The following RUNX2 variants were observed in gnomAD, a reference collection of about 807,000 sequenced individuals.
The protein encoded by RUNX2 is RUNX family transcription factor 2, also known as runt-related transcription factor 2.
Under a neutral mutation model 51.7 loss-of-function variants are expected in RUNX2, and 10 were observed. The observed-to-expected ratio is 0.19, with a 90% confidence interval of 0.12 to 0.33. The LOEUF (loss-of-function observed/expected upper bound fraction) is 0.33. Among genes scored for constraint, RUNX2 ranks in the 10% least tolerant of loss-of-function variants. The pLI is 1.00. For synonymous variants in RUNX2, 276 were observed against 273.6 expected (o/e 1.01, Z -0.09); for missense variants, 562 against 691.3 (o/e 0.81, Z 2.10).
At chr6:45,448,649 C>T (rs148363235) in intron 5 of RUNX2, among the ~76,000 whole-genome samples, 5 of 152,100 alleles carry the variant, frequency 3.3e-5, no homozygotes, top group East Asian at 1.9e-4. Flanking sequence ...TCTGCCTTGC[C>T]GTGAACTCTC....
chr6:45,524,604 A>T (rs1214147086), intron 7 of RUNX2, among the ~76,000 whole-genome samples: 2 of 152,254 alleles, frequency 1.3e-5, no homozygotes, highest in Non-Finnish European at 2.9e-5. Flanking sequence ...GATTCATGAA[A>T]AATCAATAAA....
At chr6:45,517,544 C>T (rs1801370358) in intron 7 of RUNX2, among the ~76,000 whole-genome samples, 1 of 151,992 alleles carries the variant, frequency 6.6e-6, no homozygotes, top group Non-Finnish European at 1.5e-5. Context: ...TTGTTGTTAA[C>T]ATAGGACAGA....
chr6:45,463,911 C>A (rs933493935), intron 5 of RUNX2, among the ~76,000 whole-genome samples: 1 of 152,126 alleles, frequency 6.6e-6, no homozygotes, highest in Non-Finnish European at 1.5e-5. Context: ...TTCACAACAT[C>A]AGCCGGGCAC....
intron 2 of RUNX2, among the ~76,000 whole-genome samples, chr6:45,412,896 C>T (rs1174152459): frequency 2.0e-5 from 3 of 152,090 alleles, no homozygotes; most frequent in African/African-American, 7.2e-5. Context: ...CAGGTGTGTG[C>T]CACCACACTC....
At chr6:45,437,722 G>A (rs1798723978) in intron 4 of RUNX2, among the ~76,000 whole-genome samples, 1 of 152,118 alleles carries the variant, frequency 6.6e-6, no homozygotes, top group South Asian at 2.1e-4. Context: ...GTCTTCCTGT[G>A]TAGCACTACA....
At chr6:45,400,153 AG>A (rs1469008975) in intron 2 of RUNX2, among the ~76,000 whole-genome samples, 1 of 141,930 alleles carries the variant, frequency 7.0e-6, no homozygotes, top group Non-Finnish European at 1.5e-5. Context: ...GAGGGAAGGA[AG>A]GAAAGAAGGA....
intron 5 of RUNX2, among the ~76,000 whole-genome samples, chr6:45,474,141 G>A (rs1031457940): frequency 6.6e-6 from 1 of 151,696 alleles, no homozygotes; most frequent in Non-Finnish European, 1.5e-5. Flanking sequence ...TGCAGATTTA[G>A]TTGGCTTTTC....
chr6:45,526,898 A>T (rs1005152442), intron 7 of RUNX2, among the ~76,000 whole-genome samples: 1 of 152,236 alleles, frequency 6.6e-6, no homozygotes, highest in African/African-American at 2.4e-5. Context: ...TATGGGGACT[A>T]AAGGATAGTT....
intron 2 of RUNX2, among the ~76,000 whole-genome samples, chr6:45,381,312 A>G (rs965923029): frequency 7.2e-5 from 11 of 152,274 alleles, no homozygotes; most frequent in Non-Finnish European, 1.3e-4. Flanking sequence ...AAAACCTTAC[A>G]GCCCTAAAAT....
intron 2 of RUNX2, among the ~76,000 whole-genome samples, chr6:45,355,436 T>C (rs1029007564): frequency 2.8e-4 from 43 of 152,160 alleles, no homozygotes; most frequent in African/African-American, 9.9e-4. Flanking sequence ...CCCCTACCCA[T>C]AAAATTTCCA....
chr6:45,439,492 G>T (rs1798780911), intron 5 of RUNX2, among the ~76,000 whole-genome samples: 2 of 152,174 alleles, frequency 1.3e-5, no homozygotes, highest in African/African-American at 4.8e-5. Context: ...CTAACTTTTG[G>T]TCAGACTAGC....
intron 2 of RUNX2, among the ~76,000 whole-genome samples, chr6:45,410,146 T>C (rs773395355): frequency 5.9e-5 from 9 of 152,196 alleles, no homozygotes; most frequent in Non-Finnish European, 1.0e-4. Flanking sequence ...ATAGATGATA[T>C]GGAACCACTT....
intron 6 of RUNX2, among the ~76,000 whole-genome samples, chr6:45,495,368 C>A (rs1217186246): frequency 6.6e-6 from 1 of 152,178 alleles, no homozygotes; most frequent in Non-Finnish European, 1.5e-5. Context: ...AATTTCCTGT[C>A]CCAGGATGTC....
At position 45,531,760 on chromosome 6, in the gene RUNX2, A is replaced by C. The variant is rs115849449; in HGVS notation, c.1022-13457A>C. Among the ~76,000 whole-genome samples the C allele has an allele frequency of 4.8e-3, 736 of 152,202 alleles. 8 individuals are homozygous for C. The highest frequency in any genetic ancestry group is 0.017 in the African/African-American group (710 of 41,518). On this transcript the variant is annotated intron_variant, in intron 7 of 8. Coordinates refer to ENST00000647337, the MANE Select transcript of RUNX2 (RefSeq NM_001024630.4). ...GGGTGAGATTCTGTCTAAAAAAAAA[A>C]CAAAACTCAAAATATATGGTTTTAT...
intron 2 of RUNX2, among the ~76,000 whole-genome samples, chr6:45,391,639 G>C (rs1455699494): frequency 6.6e-6 from 1 of 152,176 alleles, no homozygotes; most frequent in African/African-American, 2.4e-5. Flanking sequence ...GGCTGGGGAG[G>C]TTTCAGGAAA....
rs551984043 is a variant in RUNX2, at chr6:45,440,811, C to T, written c.685+2760C>T. ...TATGTAAATAATTTCGTGGAAGAAACAAAGTTTGTGTTATGTACTTATGTG... is the reference window on the plus strand; with the variant it reads ...TATGTAAATAATTTCGTGGAAGAAATAAAGTTTGTGTTATGTACTTATGTG... On this transcript the variant is annotated intron_variant, in intron 5 of 8. Coordinates refer to ENST00000647337, the MANE Select transcript of RUNX2 (RefSeq NM_001024630.4). 1.5e-4 allele frequency among the ~76,000 whole-genome samples: 23 copies of T among 152,182 alleles called. No individual in the cohort carries two copies. The South Asian group carries it at 4.4e-3, about 29-fold the overall frequency.
intron 2 of RUNX2, among the ~76,000 whole-genome samples, chr6:45,396,907 C>A (rs1797591850): frequency 1.3e-5 from 2 of 152,042 alleles, no homozygotes; most frequent in Admixed American, 1.3e-4. Flanking sequence ...ATCCATTCAC[C>A]AGTTGATGGA....
chr6:45,422,492 C>T, intron 2 of RUNX2, 101 bp from the exon 3 acceptor site: 1 of 642,298 alleles, frequency 1.6e-6, no homozygotes, highest in Non-Finnish European at 2.4e-6. Flanking sequence ...CCCGTCTCGC[C>T]TTCACCCCCC....
rs961467252 is a variant in RUNX2, at chr6:45,549,253, G to A, written c.*1948G>A. On this transcript the variant is annotated 3_prime_UTR_variant, in exon 9 of 9. Coordinates refer to ENST00000647337, the MANE Select transcript of RUNX2 (RefSeq NM_001024630.4). ...TCATTGGAATCCTCCACCCACCCAAGCAGAATTTAGCAGAGATTTGCCTTC... is the reference window on the plus strand; with the variant it reads ...TCATTGGAATCCTCCACCCACCCAAACAGAATTTAGCAGAGATTTGCCTTC... 1.5e-5 allele frequency: 6 copies of A among 398,316 alleles called. No individual in the cohort carries two copies. Among genetic ancestry groups the A allele is most frequent in the Non-Finnish European group, 2.2e-5 (5 of 226,052 alleles). The allele number at this position is 398,316 out of a possible 1,614,324, so 24.7% of individuals were successfully genotyped here. A position where few individuals can be genotyped will look rare whatever the true frequency, so the allele number is the denominator to read the frequency against.
Sources: gnomAD v4.1 joint callset for allele counts (sites outside exome capture counted in the v4.1 genomes callset) on GRCh38, gnomAD v4.1.1 for gene constraint, MANE v1.5 for transcripts, NCBI Gene and HGNC (gene_info 2026-07-23, HGNC 2026-07-21) for gene names.